Variants in EXOC4 observed in about 807,000 individuals in gnomAD.
The protein encoded by EXOC4 is exocyst complex component 4.
EXOC4 carries 71 observed loss-of-function variants against 107.2 expected under a neutral mutation model. The observed-to-expected ratio is 0.66, with a 90% CI of 0.55 to 0.81. The LOEUF (loss-of-function observed/expected upper bound fraction) is 0.81, where lower values mean the gene tolerates loss of function less well. Ranked by LOEUF, EXOC4 falls within the 30% of genes least tolerant of loss-of-function variation. The probability of loss-of-function intolerance (pLI) is 0.00; values close to 1 mark genes in which losing one functional copy is unlikely to be tolerated. For missense variants in EXOC4, 1,108 were observed against 1,189.6 expected, an observed-to-expected ratio of 0.93 and a Z score of 1.01; for synonymous variants, 456 against 441.2, an observed-to-expected ratio of 1.03 and a Z score of -0.42.
the EXOC4 span, among the ~76,000 whole-genome samples, chr7:134,086,488 G>C: frequency 6.6e-6 from 1 of 152,058 alleles, no homozygotes; most frequent in South Asian, 2.1e-4. Context: ...GTTCTTAATT[G>C]AGACACCCTC....
Position 133,961,218 on chromosome 7 carries a change from A to G in EXOC4, c.2206+23149A>G, listed in dbSNP as rs186545227. On this transcript the variant is annotated intron_variant, in intron 14 of 17. Transcript: ENST00000253861. ...CAGCCTCCCAAAGCTGGAAAAGGCA[A>G]GTAAATGGATTCACCCCTAGAGCCT... Among the ~76,000 whole-genome samples, 10 of 152,048 alleles carry G rather than the reference A, an allele frequency of 6.6e-5. No individual in the cohort carries two copies. In the East Asian group the frequency reaches 1.9e-3, roughly 29 times the overall value.
At chr7:133,668,346 G>A (rs956379920) in intron 10 of EXOC4, among the ~76,000 whole-genome samples, 3 of 152,152 alleles carry the variant, frequency 2.0e-5, no homozygotes, top group African/African-American at 7.2e-5. Flanking sequence ...CTAATCGCCT[G>A]TTTTCTGAAG....
At chr7:133,737,909 CTTTT>C (rs10673346) in intron 10 of EXOC4, among the ~76,000 whole-genome samples, 3 of 89,328 alleles carry the variant, frequency 3.4e-5, no homozygotes, top group South Asian at 4.5e-4. Flanking sequence ...ATTTTTCTTT[CTTTT>C]TTTTTTTTTT....
intron 9 of EXOC4, among the ~76,000 whole-genome samples, chr7:133,508,405 A>C (rs1245585929): frequency 1.3e-5 from 2 of 152,146 alleles, no homozygotes; most frequent in Non-Finnish European, 2.9e-5. Context: ...CACTTTGAGA[A>C]CCACTACTCT....
intron 7 of EXOC4, among the ~76,000 whole-genome samples, chr7:133,402,440 A>C (rs1049007270): frequency 1.3e-5 from 2 of 152,194 alleles, no homozygotes; most frequent in Non-Finnish European, 2.9e-5. Flanking sequence ...GATCTTCTTA[A>C]AATGTAGACT....
chr7:133,655,866 A>G (rs1225662608), intron 10 of EXOC4, among the ~76,000 whole-genome samples: 2 of 152,244 alleles, frequency 1.3e-5, no homozygotes, highest in African/African-American at 4.8e-5. Flanking sequence ...TACGTAAACC[A>G]GTGACATTGT....
Position 133,630,154 on chromosome 7 carries a change from C to G in EXOC4, c.1514+13C>G, listed in dbSNP as rs766290784. ...ACCCATTACTAAGGTAAGTCAAGTG[C>G]TATGATATACTTACTGAAGATCAAT... On this transcript the variant is annotated intron_variant, in intron 10 of 17. Transcript: ENST00000253861. The G allele has an allele frequency of 6.4e-7, 1 of 1,560,180 alleles. No homozygotes were observed. The highest frequency in any genetic ancestry group is 8.8e-7 in the Non-Finnish European group (1 of 1,131,180).
chr7:134,005,688 C>G (rs1794628797), intron 16 of EXOC4, among the ~76,000 whole-genome samples: 2 of 152,158 alleles, frequency 1.3e-5, no homozygotes, highest in African/African-American at 4.8e-5. Context: ...GTGAATTTCA[C>G]CCAGAGGATC....
At position 133,665,334 on chromosome 7, in the gene EXOC4, G is replaced by A. The variant is rs746392427; in HGVS notation, c.1514+35193G>A. On this transcript the variant is annotated intron_variant, in intron 10 of 17. Coordinates refer to ENST00000253861, the MANE Select transcript of EXOC4 (RefSeq NM_021807.4). ...TGCATGATTGTTGTGGGGATCAAATGTGTACAAATACGCTTCATAAATTGC... is the reference window on the plus strand; with the variant it reads ...TGCATGATTGTTGTGGGGATCAAATATGTACAAATACGCTTCATAAATTGC... Among the ~76,000 whole-genome samples, 67 of 152,254 alleles carry A rather than the reference G, an allele frequency of 4.4e-4. 3 individuals carry two copies. The highest frequency in any genetic ancestry group is 3.4e-3 in the Middle Eastern group (1 of 294).
At chr7:133,631,823 T>C (rs1451691244) in intron 10 of EXOC4, among the ~76,000 whole-genome samples, 1 of 152,130 alleles carries the variant, frequency 6.6e-6, no homozygotes, top group African/African-American at 2.4e-5. Context: ...ACAATTGATT[T>C]CTACTTAGGT....
At chr7:134,069,856 A>T (rs766829670), downstream of EXOC4, among the ~76,000 whole-genome samples, 19 of 152,116 alleles carry the variant, frequency 1.2e-4, no homozygotes, top group Non-Finnish European at 1.9e-4. Context: ...CAGGATTCTT[A>T]CTTTGGTGTG....
chr7:133,676,712 A>C (rs111679014), intron 10 of EXOC4, among the ~76,000 whole-genome samples: 178 of 152,248 alleles, frequency 1.2e-3, no homozygotes, highest in African/African-American at 4.0e-3. Context: ...AATTAAGTAA[A>C]TAAATTAATT....
At chr7:133,654,634 G>C (rs1225582155) in intron 10 of EXOC4, among the ~76,000 whole-genome samples, 4 of 152,090 alleles carry the variant, frequency 2.6e-5, no homozygotes, top group African/African-American at 2.4e-5. Context: ...TCAGTACTGG[G>C]CGCAGCAGTT....
chr7:133,537,091 A>G (rs549160814), intron 9 of EXOC4, among the ~76,000 whole-genome samples: 17 of 152,266 alleles, frequency 1.1e-4, no homozygotes, highest in South Asian at 4.1e-4. Context: ...GAGATGTGCT[A>G]TATCCTTAGC....
chr7:133,618,729 T>C (rs563400872), intron 9 of EXOC4, among the ~76,000 whole-genome samples: 4 of 152,308 alleles, frequency 2.6e-5, no homozygotes, highest in African/African-American at 9.6e-5. Context: ...GTTATCAATA[T>C]AGTACTCCAT....
chr7:133,702,905 G>A (rs943735389), intron 10 of EXOC4, among the ~76,000 whole-genome samples: 1 of 152,136 alleles, frequency 6.6e-6, no homozygotes, highest in Admixed American at 6.5e-5. Context: ...TGTTAACAAT[G>A]CCATCTTTAT....
chr7:133,384,789 G>C (rs1185706443), intron 7 of EXOC4, among the ~76,000 whole-genome samples: 3 of 142,340 alleles, frequency 2.1e-5, no homozygotes, highest in Non-Finnish European at 4.5e-5. Flanking sequence ...CTGAATCCTT[G>C]AGTATAGCGA....
At chr7:133,971,512 A>T (rs1801238296) in intron 14 of EXOC4, among the ~76,000 whole-genome samples, 1 of 151,512 alleles carries the variant, frequency 6.6e-6, no homozygotes, top group African/African-American at 2.4e-5. Flanking sequence ...CTTATAGAAG[A>T]TTGTCTTACC....
chr7:134,025,162 C>G, intron 17 of EXOC4, among the ~76,000 whole-genome samples: 1 of 152,098 alleles, frequency 6.6e-6, no homozygotes, highest in Non-Finnish European at 1.5e-5. Context: ...TATGTAAAAT[C>G]TAGTAATAAT....
Sources: allele counts gnomAD v4.1 joint callset (sites outside exome capture counted in the v4.1 genomes callset), GRCh38; gene constraint gnomAD v4.1.1; transcripts MANE v1.5; gene names NCBI Gene and HGNC (gene_info 2026-07-23, HGNC 2026-07-21).